The following BEST1 variants were observed in gnomAD, a reference collection of about 807,000 sequenced individuals.
BEST1 encodes the protein bestrophin-1.
In BEST1, 58 loss-of-function variants were observed where a neutral mutation model predicts 63.3. The ratio of observed to expected loss-of-function variants is 0.92; its 90% CI spans 0.74 to 1.14. The LOEUF (loss-of-function observed/expected upper bound fraction) is 1.14. Ranked by LOEUF, BEST1 falls within the 50% of genes most tolerant of loss-of-function variation. BEST1 has a pLI of 0.00. For missense variants in BEST1, 671 were observed against 740.1 expected (o/e 0.91, Z 1.08); for synonymous variants, 283 against 291.6 (o/e 0.97, Z 0.30).
chr11:61,964,779 G>A (rs755508306), downstream of BEST1: 5 of 1,599,574 alleles, frequency 3.1e-6, no homozygotes, highest in Admixed American at 1.7e-5. Flanking sequence ...GAGATATTCC[G>A]CCAAGCCAGA....
intron 10 of BEST1, chr11:61,963,895 G>A (rs1942332130): frequency 7.4e-7 from 1 of 1,355,012 alleles, no homozygotes; most frequent in South Asian, 1.5e-5. Context: ...CCCAACGCAG[G>A]AGGTTGAGGG....
rs1942213007 is a variant in BEST1, at chr11:61,962,799, GA to G, written c.1649del (p.Asn550IlefsTer59). On this transcript the variant is annotated frameshift_variant, in exon 10 of 11. Transcript: ENST00000378043. LOFTEE classifies it high-confidence loss of function. ...CCTGACGGATATGCCAGAGATCCCC[GA>G]AAATCACCTCAAAGAACCTTTGGAA... ...FNLTDMPEIPENHLKEPLEQS... is the reference protein window; with the variant it reads ...FNLTDMPEIPXNHLKEPLEQS... 1.9e-6 allele frequency: 3 copies of G among 1,614,158 alleles called. No individual in the cohort carries two copies. Among genetic ancestry groups the G allele is most frequent in the Non-Finnish European group, 2.5e-6 (3 of 1,180,024 alleles).
chr11:61,955,894 A>C lies in BEST1; in HGVS notation c.424A>C (p.Ser142Arg). 6.4e-7 allele frequency: 1 copy of C among 1,550,518 alleles called. No homozygotes were observed. The highest frequency in any genetic ancestry group is 1.4e-5 in the African/African-American group (1 of 73,186). ...CCTGGGCAACGTGCTCATCCTGCGC[A>C]GCGTCAGCACCGCAGTCTACAAGCG... ...ANLGNVLILR[S>R]VSTAVYKRFP... Residue 142 changes from serine to arginine, a missense_variant, in exon 4 of 11, where the codon AGC becomes CGC. Physicochemically the swap from Ser to Arg is moderately radical, Grantham distance 110. Transcript: ENST00000378043.
At chr11:61,964,872 G>C (rs755785837), downstream of BEST1, 12 of 1,605,938 alleles carry the variant, frequency 7.5e-6, 1 homozygote, top group South Asian at 8.8e-5. Context: ...CAGGTAATGT[G>C]TCTCAATGAA....
At chr11:61,961,163 G>A (rs1386392966) in intron 9 of BEST1, 1 of 152,120 alleles carries the variant, frequency 6.6e-6, no homozygotes, top group Non-Finnish European at 1.5e-5. Flanking sequence ...GATTATAGGT[G>A]CCAGCCACCA....
At chr11:61,964,475 T>C (rs1942389019), downstream of BEST1, 1 of 616,642 alleles carries the variant, frequency 1.6e-6, no homozygotes, top group Non-Finnish European at 2.8e-6. Context: ...TTTTGATTAG[T>C]GTGATTAGAA....
chr11:61,959,464 C>T, intron 7 of BEST1, 34 bp from the exon 8 acceptor site: 1 of 1,607,390 alleles, frequency 6.2e-7, no homozygotes, highest in Non-Finnish European at 8.5e-7. Flanking sequence ...AGGAGTTCTG[C>T]CTGAGGGTTT....
chr11:61,962,675 T>C lies in BEST1; in HGVS notation c.1521T>C (p.Ser507=), dbSNP rs769988611. 2.3e-5 allele frequency: 37 copies of C among 1,614,226 alleles called. No individual in the cohort carries two copies. The highest frequency in any genetic ancestry group is 3.0e-5 in the Non-Finnish European group (35 of 1,180,040). Residue 507 remains serine, a synonymous_variant, in exon 10 of 11, where the codon TCT becomes TCC. Transcript: ENST00000378043. The stretch of plus-strand genomic sequence containing the variant: ...ACAAAAGCTTAAAGACTGTGAGTTC[T>C]GGGGCCAAGAAAAGTTTTGAATTGC... ...TKDKSLKTVS[S]GAKKSFELLS... is the part of the protein sequence containing the mutation.
downstream of BEST1, chr11:61,965,306 G>A (rs1942426827): frequency 2.5e-6 from 4 of 1,609,008 alleles, no homozygotes; most frequent in Non-Finnish European, 2.5e-6. Flanking sequence ...TAGTTTAAGT[G>A]ATTTCTGATA....
In BEST1 at chr11:61,957,407, T is replaced by G. The variant is rs769325624; in HGVS notation, c.657T>G (p.Thr219=). ...CCCAGGAGATGAACACCTTGCGTAC[T>G]CAGTGTGGACACCTGTATGCCTACG... ...SLLNEMNTLR[T]QCGHLYAYDW... The change falls in exon 6 of 11, where the codon ACT becomes ACG. Residue 219 remains threonine, a synonymous_variant. Transcript: ENST00000378043. 1.2e-6 allele frequency: 2 copies of G among 1,614,048 alleles called. No individual in the cohort carries two copies. Among genetic ancestry groups the G allele is most frequent in the Non-Finnish European group, 1.7e-6 (2 of 1,179,938 alleles).
At chr11:61,953,450 C>T (rs879887458) in intron 2 of BEST1, among the ~76,000 whole-genome samples, 6 of 152,158 alleles carry the variant, frequency 3.9e-5, no homozygotes, top group East Asian at 1.9e-4. Context: ...CTTTGGCTTA[C>T]ACCCGTAATC....
chr11:61,957,036 G>A (rs368770776), intron 5 of BEST1, 38 bp downstream of exon 5: 2 of 1,613,520 alleles, frequency 1.2e-6, no homozygotes, highest in African/African-American at 2.7e-5. Context: ...CGCAGAGTGG[G>A]AAGGGCTGTG....
At position 61,962,248 on chromosome 11, in the gene BEST1, T is replaced by C. The variant is rs761954196; in HGVS notation, c.1101-7T>C. ...GGCTCAGCCCTGCATCTCCTGTTTC[T>C]TTCCAGCCTGAACAAAGAGGAGATG... On this transcript the variant is annotated splice_region_variant and splice_polypyrimidine_tract_variant and intron_variant, in intron 9 of 10. Transcript: ENST00000378043. The C allele has an allele frequency of 3.1e-6, 5 of 1,613,690 alleles. No homozygotes were observed. The highest frequency in any genetic ancestry group is 1.1e-5 in the South Asian group (1 of 91,072).
chr11:61,962,009 G>A (rs979936849), intron 9 of BEST1: 1 of 563,660 alleles, frequency 1.8e-6, no homozygotes. Context: ...CGGGGTGGTT[G>A]CGGGGGTTGG....
chr11:61,965,019 G>A (rs1237079690), downstream of BEST1: 2 of 1,613,850 alleles, frequency 1.2e-6, no homozygotes, highest in Non-Finnish European at 1.7e-6. Context: ...GCCAGTTTGT[G>A]CAGTTCCAGT....
intron 8 of BEST1, 23 bp from the exon 9 acceptor site, chr11:61,959,869 C>T (rs1366668247): frequency 6.2e-7 from 1 of 1,611,972 alleles, no homozygotes; most frequent in Admixed American, 1.7e-5. Context: ...TTCTGTGGGA[C>T]TTCTTCTGTC....
chr11:61,964,745 G>A (rs1457249777), downstream of BEST1: 2 of 1,598,748 alleles, frequency 1.3e-6, 1 homozygote, highest in South Asian at 2.2e-5. Context: ...CATTATCACT[G>A]TCTCCCAGGG....
chr11:61,962,586 T>A lies in BEST1; in HGVS notation c.1432T>A (p.Phe478Ile). Residue 478 changes from phenylalanine to isoleucine, a missense_variant, in exon 10 of 11, where the codon TTC (phenylalanine) becomes ATC (isoleucine). Phe to Ile is a conservative substitution (Grantham distance 21). Transcript: ENST00000378043. Reference protein sequence around the residue: ...PQTPLSPTPMFFPLEPSAPSK... With the variant: ...PQTPLSPTPMIFPLEPSAPSK... ...GACGCCCCTCAGCCCCACTCCCATG[T>A]TCTTCCCCCTAGAACCATCAGCGCC... is the stretch of plus-strand genomic sequence containing the variant. 1.2e-6 allele frequency: 2 copies of A among 1,614,168 alleles called. No homozygotes were observed. The highest frequency in any genetic ancestry group is 2.7e-5 in the African/African-American group (2 of 75,050).
At chr11:61,955,029 G>A in intron 2 of BEST1, 78 bp from the exon 3 acceptor site, 3 of 1,591,630 alleles carry the variant, frequency 1.9e-6, no homozygotes, top group East Asian at 2.3e-5. Context: ...TCCTACCCAG[G>A]GCCGGGCTAG....
Sources: allele counts gnomAD v4.1 joint callset (sites outside exome capture counted in the v4.1 genomes callset), GRCh38; gene constraint gnomAD v4.1.1; transcripts MANE v1.5; gene names NCBI Gene and HGNC (gene_info 2026-07-23, HGNC 2026-07-21).